Variants in SPTBN2 observed in about 807,000 individuals in gnomAD.
SPTBN2 encodes the protein spectrin beta, non-erythrocytic 2.
In SPTBN2, 107 loss-of-function variants were observed where a neutral mutation model predicts 284.2. That is an observed-to-expected ratio of 0.38 (90% CI 0.32 to 0.44). The LOEUF is 0.44. Among genes scored for constraint, SPTBN2 ranks in the 20% least tolerant of loss-of-function variants. SPTBN2 has a pLI of 1.00. For synonymous variants in SPTBN2, 1,289 were observed against 1,354.8 expected (o/e 0.95, Z 1.07); for missense variants, 2,569 against 3,287.1 (o/e 0.78, Z 5.34).
chr11:66,732,868 A>C (rs1165654132), upstream of SPTBN2, among the ~76,000 whole-genome samples: 1 of 151,208 alleles, frequency 6.6e-6, no homozygotes, highest in Non-Finnish European at 1.5e-5. Flanking sequence ...CGGGAGGCTG[A>C]GGCAGGACAA....
Position 66,705,200 on chromosome 11 carries a change from G to C in SPTBN2, c.2076C>G (p.Gly692=). 1 of 1,537,576 alleles carries C rather than the reference G, an allele frequency of 6.5e-7. No individual in the cohort carries two copies. The highest frequency in any genetic ancestry group is 1.2e-5 in the South Asian group (1 of 84,724). Residue 692 remains glycine, a synonymous_variant, in exon 15 of 38, where the codon GGC becomes GGG. Coordinates refer to ENST00000533211, the MANE Select transcript of SPTBN2 (RefSeq NM_006946.4). ...GGGTGAGCTTCAGGGGCCCCAGCCG[G>C]CCGCTCATCTCGCCCCGCAGGGCTG... ...KHTALRGEMS[G]RLGPLKLTLE... is the part of the protein sequence containing the mutation.
At position 66,687,873 on chromosome 11, in the gene SPTBN2, C is replaced by A; in HGVS notation, c.6496G>T (p.Gly2166Trp). 6.2e-7 allele frequency: 1 copy of A among 1,614,186 alleles called. No homozygotes were observed. The highest frequency in any genetic ancestry group is 8.5e-7 in the Non-Finnish European group (1 of 1,180,036). The change falls in exon 34 of 38, where the codon GGG (glycine) becomes TGG (tryptophan). Residue 2166 changes from glycine to tryptophan, a missense_variant. This residue lies in a region of SPTBN2 where 1,130 missense variants were observed against 1,317.3 expected (regional missense o/e 0.86). Transcript: ENST00000533211. The surrounding 1 kb of genome is among the most constrained non-coding windows in gnomAD (Gnocchi z 5.2). ...ACACTTGCAGGGGAACTCACCGGCCCTTCGGGGAAGCTGCTGTGCTCAAGT... is the reference window on the plus strand; with the variant it reads ...ACACTTGCAGGGGAACTCACCGGCCATTCGGGGAAGCTGCTGTGCTCAAGT... The part of the protein sequence containing the change: ...QRLEHSSFPE[G>W]PGPGSGDEAN...
chr11:66,699,259 C>T, intron 18 of SPTBN2, 147 bp downstream of exon 18: 1 of 1,259,170 alleles, frequency 7.9e-7, no homozygotes, highest in South Asian at 1.3e-5. Flanking sequence ...TCTCCCAGCC[C>T]TCTCCAACCA....
intron 14 of SPTBN2, 88 bp downstream of exon 14, chr11:66,705,596 G>A (rs909469397): frequency 1.7e-5 from 27 of 1,601,910 alleles, no homozygotes; most frequent in South Asian, 5.5e-5. Context: ...CATCTTTCCC[G>A]TCCCCAGGTT....
chr11:66,721,342 T>C lies in SPTBN2; in HGVS notation c.-23+8A>G, dbSNP rs1378169167. ...TCACCACCGGGGCCTTCTGTCTTCTTGCCCTACCTGTGCTCCGCTCTCCTT... is the reference window on the plus strand; with the variant it reads ...TCACCACCGGGGCCTTCTGTCTTCTCGCCCTACCTGTGCTCCGCTCTCCTT... On this transcript the variant is annotated splice_region_variant and intron_variant, in intron 2 of 37. Transcript: ENST00000533211. The C allele has an allele frequency of 2.0e-6, 3 of 1,472,202 alleles. No individual in the cohort carries two copies. Among genetic ancestry groups the C allele is most frequent in the Non-Finnish European group, 2.8e-6 (3 of 1,056,736 alleles). 91.2% of individuals were successfully genotyped at this position (1,472,202 alleles called of 1,614,324 possible). A position where few individuals can be genotyped will look rare whatever the true frequency, so the allele number is the denominator to read the frequency against.
In SPTBN2 at chr11:66,705,234, T is replaced by C; in HGVS notation, c.2042A>G (p.Asn681Ser). Reference protein sequence around the residue: ...RDLTGALRLLNKHTALRGEMS... With the variant: ...RDLTGALRLLSKHTALRGEMS... The stretch of plus-strand genomic sequence containing the variant: ...CTCGCCCCGCAGGGCTGTGTGCTTG[T>C]TGAGCAGGCGGAGGGCACCGGTCAG... The change falls in exon 15 of 38, where the codon AAC becomes AGC. Residue 681 changes from asparagine (N) to serine (S), a missense_variant. Physicochemically the swap from Asn to Ser is conservative, Grantham distance 46 (BLOSUM62 1). Around this residue, in one of 6 missense-constraint regions of SPTBN2, gnomAD observed 1,012 missense variants for 1,248.9 expected, o/e 0.81. Coordinates refer to ENST00000533211, the MANE Select transcript of SPTBN2 (RefSeq NM_006946.4). 1 of 1,558,496 alleles carries C rather than the reference T, an allele frequency of 6.4e-7. No individual in the cohort carries two copies. Among genetic ancestry groups the C allele is most frequent in the Non-Finnish European group, 8.6e-7 (1 of 1,157,620 alleles).
intron 20 of SPTBN2, 139 bp from the exon 21 acceptor site, chr11:66,696,679 A>G: frequency 8.4e-7 from 1 of 1,196,996 alleles, no homozygotes; most frequent in Non-Finnish European, 1.2e-6. Context: ...TCTTATCGAC[A>G]CACTCTTCAC....
At position 66,690,176 on chromosome 11, in the gene SPTBN2, C is replaced by A. The variant is rs1408551994; in HGVS notation, c.5673G>T (p.Gln1891His). The A allele has an allele frequency of 1.2e-6, 2 of 1,614,016 alleles. No homozygotes were observed. Among genetic ancestry groups the A allele is most frequent in the East Asian group, 4.5e-5 (2 of 44,892 alleles). ...GGCGGGCGGCAGAGCTTCCCTGAAG[C>A]TGGGCCCAGGCCTCGGCCACGGCCT... is the stretch of plus-strand genomic sequence containing the variant. ...HMQAVAEAWA[Q>H]LQGSSAARRQ... is the part of the protein sequence containing the mutation. The change falls in exon 28 of 38, where the codon CAG (glutamine) becomes CAT (histidine). Residue 1891 changes from glutamine to histidine, a missense_variant. Gln to His is a conservative substitution (Grantham distance 24). Coordinates refer to ENST00000533211, the MANE Select transcript of SPTBN2 (RefSeq NM_006946.4).
intron 20 of SPTBN2, among the ~76,000 whole-genome samples, chr11:66,697,194 G>A (rs1175001697): frequency 6.6e-6 from 1 of 152,090 alleles, no homozygotes; most frequent in Non-Finnish European, 1.5e-5. Flanking sequence ...GATGCCCATG[G>A]GGGTAACTGG....
intron 1 of SPTBN2, among the ~76,000 whole-genome samples, chr11:66,742,033 G>T (rs1942899146): frequency 1.3e-5 from 2 of 152,094 alleles, no homozygotes; most frequent in African/African-American, 2.4e-5. Context: ...TAATGCCCAG[G>T]TTGGTCTCAA....
chr11:66,705,260 G>T lies in SPTBN2; in HGVS notation c.2016C>A (p.Asp672Glu). 1 of 1,585,294 alleles carries T rather than the reference G, an allele frequency of 6.3e-7. No individual in the cohort carries two copies. Reference protein sequence around the residue: ...HLLASADTGRDLTGALRLLNK... With the variant: ...HLLASADTGRELTGALRLLNK... The stretch of plus-strand genomic sequence containing the variant: ...TGAGCAGGCGGAGGGCACCGGTCAG[G>T]TCTCGGCCCGTGTCGGCTGAGGCCA... The change falls in exon 15 of 38, where the codon GAC becomes GAA. Residue 672 changes from aspartate to glutamate, a missense_variant. By Grantham distance (45) the Asp-to-Glu change is conservative (BLOSUM62 2). Around this residue, in one of 6 missense-constraint regions of SPTBN2, gnomAD observed 1,012 missense variants for 1,248.9 expected, o/e 0.81. Transcript: ENST00000533211.
At chr11:66,739,837 G>A (rs1206929836) in intron 1 of SPTBN2, among the ~76,000 whole-genome samples, 8 of 152,208 alleles carry the variant, frequency 5.3e-5, no homozygotes, top group Non-Finnish European at 8.8e-5. Context: ...TTCGAGACCA[G>A]CCTGGCCAAC....
At position 66,693,955 on chromosome 11, in the gene SPTBN2, C is replaced by G. The variant is rs997731601; in HGVS notation, c.4504-94G>C. ...AGTGGGGACACCTGGGGCTACCGCCCTGTGTGTGGGGAACAGTCATCTCTG... is the reference window on the plus strand; with the variant it reads ...AGTGGGGACACCTGGGGCTACCGCCGTGTGTGTGGGGAACAGTCATCTCTG... On this transcript the variant is annotated intron_variant, in intron 22 of 37. Transcript: ENST00000533211. This position sits in a 1 kb window ranked among gnomAD's most constrained non-coding sequence, Gnocchi z 5.7. 3.7e-6 allele frequency: 5 copies of G among 1,367,480 alleles called. No homozygotes were observed. Among genetic ancestry groups the G allele is most frequent in the Non-Finnish European group, 5.1e-6 (5 of 982,402 alleles). 84.7% of individuals were successfully genotyped at this position (1,367,480 alleles called of 1,614,324 possible).
chr11:66,707,069 A>T lies in SPTBN2; in HGVS notation c.1653+447T>A, dbSNP rs1244109726. 2.0e-5 allele frequency among the ~76,000 whole-genome samples: 3 copies of T among 152,202 alleles called. No homozygotes were observed. The highest frequency in any genetic ancestry group is 4.4e-5 in the Non-Finnish European group (3 of 68,036). ...CCCCCACTCCTCATGCTCACAGCCC[A>T]CCGGCCTTCCTTCTGATCCTGAACA... On this transcript the variant is annotated intron_variant, in intron 13 of 37. Coordinates refer to ENST00000533211, the MANE Select transcript of SPTBN2 (RefSeq NM_006946.4). The surrounding 1 kb of genome is among the most constrained non-coding windows in gnomAD (Gnocchi z 4.9).
Position 66,713,739 on chromosome 11 carries a change from G to A in SPTBN2, c.664C>T (p.Leu222=). The A allele has an allele frequency of 6.2e-7, 1 of 1,613,364 alleles. No individual in the cohort carries two copies. The highest frequency in any genetic ancestry group is 8.5e-7 in the Non-Finnish European group (1 of 1,179,384). Residue 222 remains leucine (L), a synonymous_variant, in exon 8 of 38, where the codon CTG becomes TTG. Transcript: ENST00000533211. ...NAIVHKHRPD[L]LDFESLKKCN... ...TTCTTCAGAGACTCAAAATCCAGCA[G>A]GTCTGGCCTGGGTGGGGAGGCAAGA...
In SPTBN2 at chr11:66,708,276, C is replaced by G; in HGVS notation, c.1215G>C (p.Ala405=). ...GCAGGGCCAGCTCACGCTCGTGCTC[C>G]GCCTTCTCCAGCCGCTCCCAAGCCT... ...INKAWERLEK[A]EHERELALRT... Residue 405 remains alanine, a synonymous_variant, in exon 12 of 38, where the codon GCG becomes GCC. Coordinates refer to ENST00000533211, the MANE Select transcript of SPTBN2 (RefSeq NM_006946.4). The surrounding 1 kb of genome is among the most constrained non-coding windows in gnomAD (Gnocchi z 4.4). The G allele has an allele frequency of 6.3e-7, 1 of 1,597,512 alleles. No homozygotes were observed. The highest frequency in any genetic ancestry group is 8.6e-7 in the Non-Finnish European group (1 of 1,169,172).
intron 1 of SPTBN2, among the ~76,000 whole-genome samples, chr11:66,723,333 A>G (rs549284892): frequency 1.3e-5 from 2 of 151,894 alleles, no homozygotes; most frequent in Non-Finnish European, 2.9e-5. Flanking sequence ...TCCTAGCCCT[A>G]CTTCCTAGGA....
chr11:66,697,297 G>A (rs899840557), intron 20 of SPTBN2, among the ~76,000 whole-genome samples: 1 of 152,088 alleles, frequency 6.6e-6, no homozygotes, highest in African/African-American at 2.4e-5. Context: ...CTGCTTCTAG[G>A]GGAACACAAA....
chr11:66,734,962 G>T (rs182474661), intron 1 of SPTBN2, among the ~76,000 whole-genome samples: 41 of 152,330 alleles, frequency 2.7e-4, no homozygotes, highest in Non-Finnish European at 4.9e-4. Context: ...TAGATGCACT[G>T]CCCTCTGCAT....
Sources: allele counts gnomAD v4.1 joint callset (sites outside exome capture counted in the v4.1 genomes callset), GRCh38; gene constraint gnomAD v4.1.1; regional missense constraint gnomAD v4.1.1; non-coding constraint Gnocchi (gnomAD v3.1); transcripts MANE v1.5; gene names NCBI Gene and HGNC (gene_info 2026-07-23, HGNC 2026-07-21).